The following RABGAP1 variants were observed in gnomAD, a reference collection of about 807,000 sequenced individuals.
The protein encoded by RABGAP1 is rab GTPase-activating protein 1.
In RABGAP1, 23 loss-of-function variants were observed where a neutral mutation model predicts 137.6. That is an observed-to-expected ratio of 0.17 (90% confidence interval 0.12 to 0.24). The LOEUF is 0.24. RABGAP1 is among the 10% of genes least tolerant of loss of function. The pLI is 1.00. For synonymous variants in RABGAP1, 451 were observed against 450.7 expected (o/e 1.00, Z -0.01); for missense variants, 906 against 1,275.8 (o/e 0.71, Z 4.42).
intron 21 of RABGAP1, among the ~76,000 whole-genome samples, chr9:123,091,450 C>T (rs1179852711): frequency 1.3e-5 from 2 of 152,164 alleles, no homozygotes; most frequent in Non-Finnish European, 1.5e-5. Context: ...AAGTGGTTAA[C>T]AGGTGAGACA....
intron 1 of RABGAP1, among the ~76,000 whole-genome samples, chr9:122,943,160 C>A (rs1029491614): frequency 8.1e-5 from 12 of 148,326 alleles, no homozygotes; most frequent in African/African-American, 3.0e-4. Flanking sequence ...CTGCAACCTC[C>A]GCCTCCTGGG....
At chr9:122,996,406 G>T (rs1160961077) in intron 7 of RABGAP1, 133 bp from the exon 8 acceptor site, 4 of 1,104,152 alleles carry the variant, frequency 3.6e-6, no homozygotes, top group Admixed American at 3.0e-5. Context: ...TATTATTTTA[G>T]CAACACAAAT....
chr9:123,092,687 A>G (rs532979337), intron 21 of RABGAP1, among the ~76,000 whole-genome samples: 1 of 152,326 alleles, frequency 6.6e-6, no homozygotes, highest in African/African-American at 2.4e-5. Context: ...TTTCTTGAGC[A>G]CTTACCAAGT....
chr9:123,051,477 C>T (rs1385749648), intron 13 of RABGAP1, among the ~76,000 whole-genome samples: 1 of 150,902 alleles, frequency 6.6e-6, no homozygotes. Context: ...GAACTCCCGA[C>T]CTTAGGTGAT....
At chr9:123,001,324 T>C (rs919013673) in intron 10 of RABGAP1, among the ~76,000 whole-genome samples, 4 of 152,232 alleles carry the variant, frequency 2.6e-5, no homozygotes, top group Non-Finnish European at 4.4e-5. Flanking sequence ...TCAATAAATA[T>C]ACGTTGAATT....
At chr9:123,017,536 A>T (rs577799178) in intron 12 of RABGAP1, among the ~76,000 whole-genome samples, 1 of 152,294 alleles carries the variant, frequency 6.6e-6, no homozygotes, top group African/African-American at 2.4e-5. Flanking sequence ...TTCTATGGGT[A>T]AGAAGCATTG....
intron 13 of RABGAP1, among the ~76,000 whole-genome samples, chr9:123,022,166 T>C (rs531946682): frequency 1.1e-4 from 16 of 152,232 alleles, no homozygotes; most frequent in Non-Finnish European, 1.9e-4. Context: ...AAAATGATTC[T>C]TAAGAGCTTA....
chr9:123,083,247 A>G (rs1294813333), intron 19 of RABGAP1, among the ~76,000 whole-genome samples: 3 of 152,348 alleles, frequency 2.0e-5, no homozygotes, highest in Non-Finnish European at 4.4e-5. Context: ...TTTGTGTGTT[A>G]TCCCTTTTTA....
intron 1 of RABGAP1, among the ~76,000 whole-genome samples, chr9:122,952,404 G>A (rs1355222079): frequency 6.6e-6 from 1 of 151,970 alleles, no homozygotes; most frequent in East Asian, 1.9e-4. Context: ...GACTACAGGC[G>A]CCTGCCCCCA....
Position 122,998,635 on chromosome 9 carries a change from A to G in RABGAP1, c.1243A>G (p.Ile415Val), listed in dbSNP as rs752302741. The G allele has an allele frequency of 6.2e-7, 1 of 1,610,406 alleles. No individual in the cohort carries two copies. Among genetic ancestry groups the G allele is most frequent in the Non-Finnish European group, 8.5e-7 (1 of 1,177,320 alleles). Reference sequence around the variant, plus strand: ...TATGACCACAGCTGTAGATTTGGTAATAACAGAAGTACAGGAGCCTGTTCG... The same window carrying G: ...TATGACCACAGCTGTAGATTTGGTAGTAACAGAAGTACAGGAGCCTGTTCG... ...LFMTTAVDLV[I>V]TEVQEPVRFL... The change falls in exon 10 of 26, where the codon ATA (isoleucine) becomes GTA (valine). Residue 415 changes from isoleucine to valine, a missense_variant. This residue lies in a region of RABGAP1 where 212 missense variants were observed against 289.4 expected (regional missense o/e 0.73). Transcript: ENST00000373647.
the RABGAP1 span, among the ~76,000 whole-genome samples, chr9:122,935,118 A>G: frequency 3.9e-5 from 6 of 152,072 alleles, no homozygotes; most frequent in Non-Finnish European, 8.8e-5. Flanking sequence ...TTTATCATGA[A>G]ACGTTTGATT....
chr9:122,937,912 C>G (rs1477163389), upstream of RABGAP1: 1 of 152,218 alleles, frequency 6.6e-6, no homozygotes, highest in Non-Finnish European at 1.5e-5. Context: ...ATCACTTGAA[C>G]CCAGGAGGTG....
intron 1 of RABGAP1, among the ~76,000 whole-genome samples, chr9:122,943,952 C>CA (rs34584766): frequency 0.07 from 10,192 of 145,540 alleles, 1,245 homozygotes; most frequent in East Asian, 0.54. Context: ...GACTCCGTCT[C>CA]AAAAAAAAAA....
rs546467719 is a variant in RABGAP1 at position 123,013,475 on chromosome 9, G to T, written c.1550-2068G>T. 6.6e-5 allele frequency among the ~76,000 whole-genome samples: 10 copies of T among 152,052 alleles called. No homozygotes were observed. In the South Asian group the frequency reaches 1.9e-3, roughly 28 times the overall value. On this transcript the variant is annotated intron_variant, in intron 11 of 25. Coordinates refer to ENST00000373647, the MANE Select transcript of RABGAP1 (RefSeq NM_012197.4). ...GCCTCCTGAGTAGCTGGGATTACAGGTGCCCACACCACACCTAGCTAATTT... is the reference window on the plus strand; with the variant it reads ...GCCTCCTGAGTAGCTGGGATTACAGTTGCCCACACCACACCTAGCTAATTT...
chr9:122,936,612 G>A (rs558544449), upstream of RABGAP1, among the ~76,000 whole-genome samples: 2 of 152,282 alleles, frequency 1.3e-5, no homozygotes, highest in South Asian at 2.1e-4. Context: ...TGGGCGATAC[G>A]AACTTTGTCC....
intron 19 of RABGAP1, among the ~76,000 whole-genome samples, chr9:123,079,832 C>T (rs1000282881): frequency 1.3e-5 from 2 of 152,092 alleles, no homozygotes; most frequent in African/African-American, 4.8e-5. Flanking sequence ...AGCAGCTCCC[C>T]CAACCTTTAT....
chr9:122,939,024 G>A (rs1391811522), upstream of RABGAP1: 1 of 152,114 alleles, frequency 6.6e-6, no homozygotes, highest in Non-Finnish European at 1.5e-5. Context: ...GATAATTTGG[G>A]TATACTGGTT....
In RABGAP1 at chr9:122,986,350, TAAG is replaced by T. The variant is rs781369247; in HGVS notation, c.525_527del (p.Arg175del). Reference sequence around the variant, plus strand: ...GAAGCCTTAAGGATGATGTCCATCTTAAGAAGCCAGTGTCAGATTTCACTAGAT... The same window carrying T: ...GAAGCCTTAAGGATGATGTCCATCTTAAGCCAGTGTCAGATTTCACTAGAT... On this transcript the variant is annotated inframe_deletion, in exon 4 of 26. Transcript: ENST00000373647. The T allele has an allele frequency of 3.7e-6, 6 of 1,614,028 alleles. No individual in the cohort carries two copies. The Admixed American group carries it at 8.3e-5, about 22-fold the overall frequency.
upstream of RABGAP1, among the ~76,000 whole-genome samples, chr9:122,936,431 CTG>C (rs1172201509): frequency 6.6e-6 from 1 of 152,170 alleles, no homozygotes; most frequent in Non-Finnish European, 1.5e-5. Context: ...TGTTGGAACT[CTG>C]GAGTCTATTC....
Sources: gnomAD v4.1 joint callset for allele counts (sites outside exome capture counted in the v4.1 genomes callset) on GRCh38, gnomAD v4.1.1 for gene constraint, gnomAD v4.1.1 regional missense constraint, MANE v1.5 for transcripts, NCBI Gene and HGNC (gene_info 2026-07-23, HGNC 2026-07-21) for gene names.